MACROD2: variants seen among roughly 807,000 people sequenced by gnomAD.
MACROD2 encodes the protein ADP-ribose glycohydrolase MACROD2.
In MACROD2, 36 loss-of-function variants were observed where a neutral mutation model predicts 70.4. That is an observed-to-expected ratio of 0.51 (90% CI 0.39 to 0.68). MACROD2 has a LOEUF of 0.68. MACROD2 is among the 30% of genes least tolerant of loss of function. The pLI is 0.00. For synonymous variants in MACROD2, 172 were observed against 178.8 expected (o/e 0.96, Z 0.30); for missense variants, 496 against 538.4 (o/e 0.92, Z 0.78).
At chr20:14,496,690 C>A (rs1401694100) in intron 4 of MACROD2, among the ~76,000 whole-genome samples, 1 of 148,426 alleles carries the variant, frequency 6.7e-6, no homozygotes, top group Non-Finnish European at 1.5e-5. Flanking sequence ...TAACTTTTAC[C>A]AATTTTACCA....
At chr20:15,551,976 ATCT>A (rs1052267793) in intron 8 of MACROD2, among the ~76,000 whole-genome samples, 54 of 152,240 alleles carry the variant, frequency 3.5e-4, no homozygotes, top group Middle Eastern at 3.4e-3. Flanking sequence ...TAAGGAGAAA[ATCT>A]TCTTCAAATT....
chr20:14,969,627 G>C (rs1357507745), intron 5 of MACROD2, among the ~76,000 whole-genome samples: 2 of 152,096 alleles, frequency 1.3e-5, no homozygotes, highest in Non-Finnish European at 2.9e-5. Flanking sequence ...AATTTCTTAG[G>C]ATGTAAGTGC....
chr20:14,774,073 A>C (rs540423326), intron 5 of MACROD2, among the ~76,000 whole-genome samples: 23 of 152,052 alleles, frequency 1.5e-4, no homozygotes, highest in Non-Finnish European at 3.1e-4. Flanking sequence ...TTTTTATCCC[A>C]AAGTTACAGT....
chr20:15,858,141 C>G (rs555895531), intron 8 of MACROD2, among the ~76,000 whole-genome samples: 48 of 152,150 alleles, frequency 3.2e-4, no homozygotes, highest in Admixed American at 2.6e-3. Context: ...CACTCGATTC[C>G]TGGACTCATG....
rs183408759 is a variant in MACROD2, at chr20:14,863,645, T to C, written c.418+178686T>C. On this transcript the variant is annotated intron_variant, in intron 5 of 17. Coordinates refer to ENST00000684519, the MANE Select transcript of MACROD2 (RefSeq NM_001351661.2). ...GAAAAAAGACATATCTGGCTTAATA[T>C]ATATAACATTAATATCATGCATAGA... 3.8e-4 allele frequency among the ~76,000 whole-genome samples: 58 copies of C among 152,198 alleles called. No individual in the cohort carries two copies. In the East Asian group the frequency reaches 9.5e-3, roughly 25 times the overall value.
At chr20:14,965,726 C>A (rs546374828) in intron 5 of MACROD2, among the ~76,000 whole-genome samples, 1 of 151,820 alleles carries the variant, frequency 6.6e-6, no homozygotes, top group African/African-American at 2.4e-5. Context: ...TCTCGGCCTT[C>A]CAAAGTGCTG....
chr20:14,955,363 A>G (rs552370545), intron 5 of MACROD2, among the ~76,000 whole-genome samples: 1 of 147,510 alleles, frequency 6.8e-6, no homozygotes, highest in Non-Finnish European at 1.5e-5. Context: ...TATATGCTGT[A>G]TATAACTATA....
At chr20:14,563,770 G>T (rs1979596711) in intron 4 of MACROD2, among the ~76,000 whole-genome samples, 1 of 151,664 alleles carries the variant, frequency 6.6e-6, no homozygotes, top group Admixed American at 6.6e-5. Context: ...ATCACTGCCA[G>T]GTTATTAACA....
At chr20:14,801,697 G>T (rs2072577755) in intron 5 of MACROD2, among the ~76,000 whole-genome samples, 1 of 152,014 alleles carries the variant, frequency 6.6e-6, no homozygotes, top group African/African-American at 2.4e-5. Context: ...CTATATGGTG[G>T]TTACTGTTTT....
rs370648498 is a variant in MACROD2, at chr20:14,698,585, T to A, written c.418+13626T>A. On this transcript the variant is annotated intron_variant, in intron 5 of 17. Coordinates refer to ENST00000684519, the MANE Select transcript of MACROD2 (RefSeq NM_001351661.2). ...AGCCCTTATAATCATCTGAGGTTAT[T>A]TAATGTCTTTATTTTTTTTTTTGCT... Among the ~76,000 whole-genome samples the A allele has an allele frequency of 7.6e-4, 116 of 152,170 alleles. 4 individuals are homozygous for A. In the South Asian group the frequency reaches 0.024, roughly 32 times the overall value.
chr20:14,647,410 T>C (rs1277169162), intron 4 of MACROD2, among the ~76,000 whole-genome samples: 3 of 152,134 alleles, frequency 2.0e-5, no homozygotes, highest in Non-Finnish European at 4.4e-5. Context: ...CTCATTAACC[T>C]TGGGGGTGGT....
At chr20:15,581,946 AC>A (rs1335795050) in intron 8 of MACROD2, among the ~76,000 whole-genome samples, 1 of 151,986 alleles carries the variant, frequency 6.6e-6, no homozygotes, top group Non-Finnish European at 1.5e-5. Context: ...ACATGGGGAA[AC>A]CCCGTCTCTA....
chr20:15,156,886 C>T (rs1232059485), intron 5 of MACROD2, among the ~76,000 whole-genome samples: 2 of 152,166 alleles, frequency 1.3e-5, no homozygotes, highest in Non-Finnish European at 2.9e-5. Flanking sequence ...TTTCTCTGGA[C>T]CCTGGCAGCA....
intron 5 of MACROD2, among the ~76,000 whole-genome samples, chr20:15,001,686 A>C (rs962559607): frequency 4.6e-5 from 7 of 152,028 alleles, no homozygotes; most frequent in Non-Finnish European, 8.8e-5. Context: ...GAGGTCTAGA[A>C]CATGTTATCT....
chr20:14,816,494 A>C (rs977673188), intron 5 of MACROD2, among the ~76,000 whole-genome samples: 1 of 152,046 alleles, frequency 6.6e-6, no homozygotes, highest in African/African-American at 2.4e-5. Flanking sequence ...GTACTCCTTA[A>C]CAGTTTACAA....
chr20:15,860,446 A>G (rs2064410287), intron 8 of MACROD2, among the ~76,000 whole-genome samples: 1 of 152,158 alleles, frequency 6.6e-6, no homozygotes, highest in South Asian at 2.1e-4. Flanking sequence ...AAAGTCAACA[A>G]TCGTAGATAC....
chr20:15,446,159 C>T (rs1052097524), intron 7 of MACROD2, among the ~76,000 whole-genome samples: 1 of 152,176 alleles, frequency 6.6e-6, no homozygotes, highest in Admixed American at 6.6e-5. Context: ...CAAACTGCTG[C>T]TTCTAGCCAA....
At chr20:14,453,054 G>GA (rs2122991063) in intron 3 of MACROD2, among the ~76,000 whole-genome samples, 1 of 152,258 alleles carries the variant, frequency 6.6e-6, no homozygotes, top group African/African-American at 2.4e-5. Context: ...CAACTCTAAA[G>GA]AAAGAGGTTT....
intron 5 of MACROD2, among the ~76,000 whole-genome samples, chr20:14,961,088 C>T (rs2074579378): frequency 6.6e-6 from 1 of 152,070 alleles, no homozygotes; most frequent in Admixed American, 6.6e-5. Flanking sequence ...TATGATGTAG[C>T]TTATTCTGCA....
Sources: allele counts gnomAD v4.1 joint callset (sites outside exome capture counted in the v4.1 genomes callset), GRCh38; gene constraint gnomAD v4.1.1; transcripts MANE v1.5; gene names NCBI Gene and HGNC (gene_info 2026-07-23, HGNC 2026-07-21).